The following CTIF variants were observed in gnomAD, a reference collection of about 807,000 sequenced individuals.
CTIF encodes cap binding complex dependent translation initiation factor.
CTIF carries 21 observed loss-of-function variants against 66.0 expected under a neutral mutation model. The observed-to-expected ratio is 0.32, with a 90% confidence interval of 0.23 to 0.46. The LOEUF (loss-of-function observed/expected upper bound fraction) is 0.46, where lower values mean the gene tolerates loss of function less well. CTIF is among the 20% of genes least tolerant of loss of function. The pLI is 1.00. For missense variants in CTIF, 739 were observed against 812.7 expected (o/e 0.91, Z 1.10); for synonymous variants, 345 against 326.4 (o/e 1.06, Z -0.62).
chr18:48,782,192 C>G (rs758839780), intron 9 of CTIF, among the ~76,000 whole-genome samples: 2 of 151,854 alleles, frequency 1.3e-5, no homozygotes, highest in African/African-American at 4.8e-5. Context: ...CAAGAGCTCT[C>G]TGGGTGGGGG....
At chr18:48,657,742 G>C (rs2091267754) in intron 3 of CTIF, among the ~76,000 whole-genome samples, 1 of 152,164 alleles carries the variant, frequency 6.6e-6, no homozygotes, top group African/African-American at 2.4e-5. Flanking sequence ...TCATGGGAGT[G>C]GGAGGGTGTG....
At chr18:48,660,056 C>T (rs59552554) in intron 3 of CTIF, among the ~76,000 whole-genome samples, 10,917 of 147,574 alleles carry the variant, frequency 0.074, 398 homozygotes, top group South Asian at 0.1. Context: ...TGGTTGCCAC[C>T]GTGACTCCAC....
intron 6 of CTIF, among the ~76,000 whole-genome samples, chr18:48,695,464 A>C (rs909914147): frequency 3.9e-5 from 6 of 152,152 alleles, no homozygotes; most frequent in African/African-American, 1.2e-4. Flanking sequence ...TGCTCTTATG[A>C]GCATTCCGCT....
intron 9 of CTIF, among the ~76,000 whole-genome samples, chr18:48,780,491 C>G (rs1911099698): frequency 6.6e-6 from 1 of 152,166 alleles, no homozygotes; most frequent in Admixed American, 6.5e-5. Context: ...ACTGCAAAGG[C>G]TGGAGGGAGA....
chr18:48,835,978 C>A (rs746273962), intron 10 of CTIF, among the ~76,000 whole-genome samples: 16 of 152,324 alleles, frequency 1.1e-4, no homozygotes, highest in Admixed American at 8.5e-4. Context: ...CTCTGCCCCC[C>A]ACTGTAGGTG....
chr18:48,653,198 T>G (rs1474890849), intron 3 of CTIF, among the ~76,000 whole-genome samples: 3 of 152,220 alleles, frequency 2.0e-5, no homozygotes, highest in Non-Finnish European at 4.4e-5. Flanking sequence ...TATCCCTGTT[T>G]GCAGATGACA....
chr18:48,772,552 A>G (rs1396201259), intron 9 of CTIF, among the ~76,000 whole-genome samples: 2 of 152,120 alleles, frequency 1.3e-5, no homozygotes, highest in Non-Finnish European at 2.9e-5. Context: ...ATCTCCATGA[A>G]TTCACCCACT....
intron 9 of CTIF, among the ~76,000 whole-genome samples, chr18:48,777,606 T>A (rs1283136039): frequency 6.6e-6 from 1 of 152,190 alleles, no homozygotes; most frequent in Non-Finnish European, 1.5e-5. Context: ...GGTCCTGGAT[T>A]CCCTGGGAAC....
intron 6 of CTIF, among the ~76,000 whole-genome samples, chr18:48,674,309 G>T (rs1033191220): frequency 2.0e-5 from 3 of 152,204 alleles, no homozygotes; most frequent in African/African-American, 7.2e-5. Context: ...CAAAGTCTGG[G>T]TCCTCTCCCA....
At chr18:48,609,196 G>A (rs1452303773) in intron 1 of CTIF, among the ~76,000 whole-genome samples, 1 of 152,186 alleles carries the variant, frequency 6.6e-6, no homozygotes, top group Non-Finnish European at 1.5e-5. Flanking sequence ...TGAGGCCCAA[G>A]GAGGACTCAG....
chr18:48,757,392 CAA>C (rs60659382), intron 7 of CTIF, among the ~76,000 whole-genome samples: 1 of 139,476 alleles, frequency 7.2e-6, no homozygotes, highest in Non-Finnish European at 1.6e-5. Context: ...GACAATGTTC[CAA>C]AAAAAAAAAA....
chr18:48,617,180 A>G (rs2090415177), intron 1 of CTIF, among the ~76,000 whole-genome samples: 1 of 152,074 alleles, frequency 6.6e-6, no homozygotes, highest in Non-Finnish European at 1.5e-5. Context: ...TTGACCAGGG[A>G]TTGCTCTCAA....
intron 1 of CTIF, among the ~76,000 whole-genome samples, chr18:48,579,763 C>T (rs1010159149): frequency 1.3e-5 from 2 of 152,156 alleles, no homozygotes; most frequent in Non-Finnish European, 2.9e-5. Flanking sequence ...TGGATGCTAG[C>T]ATTCATCTGC....
At chr18:48,585,014 G>A (rs2089736213) in intron 1 of CTIF, among the ~76,000 whole-genome samples, 1 of 152,172 alleles carries the variant, frequency 6.6e-6, no homozygotes, top group Non-Finnish European at 1.5e-5. Flanking sequence ...GGCACCTATT[G>A]GGGGACAGAG....
chr18:48,687,345 CA>C (rs1313524443), intron 6 of CTIF, among the ~76,000 whole-genome samples: 1 of 151,156 alleles, frequency 6.6e-6, no homozygotes, highest in Admixed American at 6.6e-5. Flanking sequence ...CACACACACA[CA>C]CACACCAAGC....
Position 48,832,173 on chromosome 18 carries a change from C to CTTTTTTTTTTTTTT in CTIF, c.1527+14800_1527+14813dup, listed in dbSNP as rs61221781. 3.1e-4 allele frequency among the ~76,000 whole-genome samples: 40 copies of CTTTTTTTTTTTTTT among 128,260 alleles called. 1 individual carries two copies. The highest frequency in any genetic ancestry group is 5.1e-4 in the Non-Finnish European group (32 of 62,274). The allele number at this position is 128,260 out of a possible 152,430, so 84.1% of individuals were successfully genotyped here. A position where few individuals can be genotyped will look rare whatever the true frequency, so the allele number is the denominator to read the frequency against. Reference sequence around the variant, plus strand: ...GCAGGGTCTGGAAAACGTGGTCCTTCTTTTTTTTTTTTTTTTAAGACAGGG... The same window carrying CTTTTTTTTTTTTTT: ...GCAGGGTCTGGAAAACGTGGTCCTTCTTTTTTTTTTTTTTTTTTTTTTTTTTTTTTAAGACAGGG... On this transcript the variant is annotated intron_variant, in intron 10 of 11. Coordinates refer to ENST00000256413, the MANE Select transcript of CTIF (RefSeq NM_014772.3).
chr18:48,548,228 G>A (rs1453587176), intron 1 of CTIF, among the ~76,000 whole-genome samples: 4 of 152,122 alleles, frequency 2.6e-5, no homozygotes, highest in African/African-American at 9.7e-5. Context: ...CCCTTATAGG[G>A]CCTTCCCCTG....
chr18:48,578,053 A>G (rs1054464051), intron 1 of CTIF, among the ~76,000 whole-genome samples: 3 of 152,224 alleles, frequency 2.0e-5, no homozygotes, highest in African/African-American at 7.2e-5. Context: ...TGGACATTTT[A>G]TAAACATGGA....
At chr18:48,857,241 T>C (rs1310246039) in intron 10 of CTIF, among the ~76,000 whole-genome samples, 2 of 152,246 alleles carry the variant, frequency 1.3e-5, no homozygotes, top group Admixed American at 6.5e-5. Context: ...GGACTTCTGC[T>C]GACCAGTTGT....
Sources: gnomAD v4.1 joint callset for allele counts (sites outside exome capture counted in the v4.1 genomes callset) on GRCh38, gnomAD v4.1.1 for gene constraint, MANE v1.5 for transcripts, NCBI Gene and HGNC (gene_info 2026-07-23, HGNC 2026-07-21) for gene names.